The following NAV3 variants were observed in gnomAD, a reference collection of about 807,000 sequenced individuals.
The protein encoded by NAV3 is pore membrane and/or filament interacting like protein 1.
A neutral mutation model predicts 244.7 loss-of-function variants in NAV3; 87 were observed. That is an observed-to-expected ratio of 0.36 (90% confidence interval 0.30 to 0.42). The LOEUF is 0.42. Ranked by LOEUF, NAV3 falls within the 20% of genes least tolerant of loss-of-function variation. The probability of loss-of-function intolerance (pLI) is 1.00; values close to 1 mark genes in which losing one functional copy is unlikely to be tolerated. For synonymous variants in NAV3, 1,126 were observed against 1,042.2 expected, an observed-to-expected ratio of 1.08 and a Z score of -1.55; for missense variants, 2,663 against 2,893.3, an observed-to-expected ratio of 0.92 and a Z score of 1.83.
intron 2 of NAV3, among the ~76,000 whole-genome samples, chr12:77,660,601 T>C (rs999765726): frequency 3.3e-5 from 5 of 152,122 alleles, no homozygotes; most frequent in African/African-American, 1.2e-4. Flanking sequence ...GAAACAGGTA[T>C]GATTGTATGC....
intron 12 of NAV3, among the ~76,000 whole-genome samples, chr12:78,079,612 A>G (rs1218853176): frequency 6.6e-6 from 1 of 152,206 alleles, no homozygotes; most frequent in African/African-American, 2.4e-5. Flanking sequence ...CATAGAAAAA[A>G]TTATTAGCAG....
intron 5 of NAV3, among the ~76,000 whole-genome samples, chr12:77,977,008 G>A (rs1868573277): frequency 6.6e-6 from 1 of 151,992 alleles, no homozygotes; most frequent in Admixed American, 6.6e-5. Context: ...TTTGACATAA[G>A]GAAACAGAAA....
chr12:77,751,154 G>C (rs1171860963), intron 2 of NAV3, among the ~76,000 whole-genome samples: 2 of 152,130 alleles, frequency 1.3e-5, no homozygotes, highest in Non-Finnish European at 2.9e-5. Context: ...GTTTGGTGTT[G>C]GTCAGGACAA....
rs1007506972 is a variant in NAV3 at position 78,199,433 on chromosome 12, G to C, written c.6617G>C (p.Arg2206Pro). 1 of 1,609,978 alleles carries C rather than the reference G, an allele frequency of 6.2e-7. No individual in the cohort carries two copies. Among genetic ancestry groups the C allele is most frequent in the Admixed American group, 1.7e-5 (1 of 59,034 alleles). The change falls in exon 37 of 40, where the codon CGC (arginine) becomes CCC (proline). Residue 2206 changes from arginine to proline, a missense_variant. Coordinates refer to ENST00000397909, the MANE Select transcript of NAV3 (RefSeq NM_001024383.2). ...LIEIEIERNI[R>P]NNDLVKIIDW... is the part of the protein sequence containing the mutation. ...GAGATAGAAATTGAAAGGAACATTC[G>C]CAATAATGACCTAGTCAAAATTATA...
At chr12:78,033,293 T>A (rs1879299861) in intron 9 of NAV3, among the ~76,000 whole-genome samples, 1 of 151,988 alleles carries the variant, frequency 6.6e-6, no homozygotes, top group African/African-American at 2.4e-5. Flanking sequence ...ATAATTCAAA[T>A]CAGTTTAGGT....
intron 16 of NAV3, among the ~76,000 whole-genome samples, 196 bp from the exon 17 acceptor site, chr12:78,126,971 A>G (rs1469355786): frequency 6.6e-6 from 1 of 152,236 alleles, no homozygotes; most frequent in Non-Finnish European, 1.5e-5. Flanking sequence ...ATTGTACTGC[A>G]TTAGAAAGGA....
intron 2 of NAV3, among the ~76,000 whole-genome samples, chr12:77,695,508 T>C (rs1875254871): frequency 6.6e-6 from 1 of 152,200 alleles, no homozygotes; most frequent in Non-Finnish European, 1.5e-5. Context: ...CATGGGTCTA[T>C]GTGTCTGTTT....
intron 2 of NAV3, among the ~76,000 whole-genome samples, chr12:77,644,788 C>A (rs1359462710): frequency 6.6e-6 from 1 of 151,966 alleles, no homozygotes; most frequent in Non-Finnish European, 1.5e-5. Context: ...TCCTTTCTTT[C>A]TGAGTATACG....
At chr12:77,656,185 G>C (rs868179081) in intron 2 of NAV3, among the ~76,000 whole-genome samples, 11,605 of 127,916 alleles carry the variant, frequency 0.091, 804 homozygotes, top group African/African-American at 0.19. Flanking sequence ...GAGTCAAGAC[G>C]CATCAGTGTG....
intron 2 of NAV3, among the ~76,000 whole-genome samples, chr12:77,767,200 C>T (rs1869822864): frequency 6.6e-6 from 1 of 152,190 alleles, no homozygotes; most frequent in Admixed American, 6.5e-5. Flanking sequence ...TAACTTTGAT[C>T]TTTCATAATG....
intron 3 of NAV3, among the ~76,000 whole-genome samples, chr12:77,959,461 C>T (rs920678616): frequency 5.3e-5 from 8 of 152,020 alleles, no homozygotes; most frequent in Non-Finnish European, 1.2e-4. Flanking sequence ...TGTTACCCTC[C>T]ATTAATATTA....
intron 11 of NAV3, among the ~76,000 whole-genome samples, chr12:78,051,789 A>G (rs1394245590): frequency 6.6e-6 from 1 of 152,244 alleles, no homozygotes; most frequent in African/African-American, 2.4e-5. Flanking sequence ...AAAGGAGGCA[A>G]TAGGATATTC....
chr12:77,980,186 C>G (rs1593184256), intron 5 of NAV3, among the ~76,000 whole-genome samples: 1 of 152,196 alleles, frequency 6.6e-6, no homozygotes, highest in Middle Eastern at 3.4e-3. Context: ...AAGAAAAAAA[C>G]CCAGATAAGA....
chr12:78,188,989 G>C (rs1958851498), intron 33 of NAV3, among the ~76,000 whole-genome samples: 1 of 151,714 alleles, frequency 6.6e-6, no homozygotes, highest in Non-Finnish European at 1.5e-5. Flanking sequence ...TAGTTCTTTG[G>C]GTTCTGGGAT....
At chr12:78,040,082 C>A (rs1880593289) in intron 9 of NAV3, among the ~76,000 whole-genome samples, 1 of 151,978 alleles carries the variant, frequency 6.6e-6, no homozygotes, top group Admixed American at 6.6e-5. Context: ...GTGTTTTTCC[C>A]CCAAAGCCTC....
chr12:77,904,087 C>A, intron 1 of NAV3, among the ~76,000 whole-genome samples: 1 of 152,174 alleles, frequency 6.6e-6, no homozygotes, highest in Non-Finnish European at 1.5e-5. Context: ...GTCAGTGTGG[C>A]TATTCCTCAG....
chr12:77,885,789 G>C (rs1480624029), intron 1 of NAV3, among the ~76,000 whole-genome samples: 3 of 152,080 alleles, frequency 2.0e-5, no homozygotes, highest in Non-Finnish European at 4.4e-5. Flanking sequence ...ATTATTCGCT[G>C]TCTTGCTGCT....
At chr12:77,906,746 A>C (rs1002701257) in intron 1 of NAV3, among the ~76,000 whole-genome samples, 2 of 152,120 alleles carry the variant, frequency 1.3e-5, no homozygotes, top group African/African-American at 2.4e-5. Context: ...GTGATAACTT[A>C]ATGATTTAAT....
intron 39 of NAV3, among the ~76,000 whole-genome samples, chr12:78,206,505 G>T (rs962442357): frequency 6.6e-6 from 1 of 152,076 alleles, no homozygotes; most frequent in African/African-American, 2.4e-5. Flanking sequence ...TATAAGATTT[G>T]TTCTCAGTTT....
Sources: allele counts gnomAD v4.1 joint callset (sites outside exome capture counted in the v4.1 genomes callset), GRCh38; gene constraint gnomAD v4.1.1; transcripts MANE v1.5; gene names NCBI Gene and HGNC (gene_info 2026-07-23, HGNC 2026-07-21).